The following PEX7 variants were observed in gnomAD, a reference collection of about 807,000 sequenced individuals.
PEX7 encodes PTS2 receptor.
Under a neutral mutation model 47.5 loss-of-function variants are expected in PEX7, and 34 were observed. The ratio of observed to expected loss-of-function variants is 0.72; its 90% CI spans 0.54 to 0.95. The LOEUF is 0.95. Ranked by LOEUF, PEX7 falls within the 40% of genes least tolerant of loss-of-function variation. The probability of loss-of-function intolerance (pLI) is 0.00; values close to 1 mark genes in which losing one functional copy is unlikely to be tolerated. For missense variants in PEX7, 394 were observed against 400.3 expected (o/e 0.98, Z 0.13); for synonymous variants, 141 against 148.8 (o/e 0.95, Z 0.38).
intron 4 of PEX7, 62 bp downstream of exon 4, chr6:136,845,754 T>TTC (rs1774586104): frequency 9.7e-7 from 1 of 1,031,626 alleles, no homozygotes. Flanking sequence ...CCACTAAATT[T>TTC]TCTTCTCTTT....
chr6:136,888,027 T>C (rs141523322), intron 8 of PEX7, among the ~76,000 whole-genome samples: 13 of 152,076 alleles, frequency 8.5e-5, no homozygotes, highest in Non-Finnish European at 4.4e-5. Flanking sequence ...TTGATCCTTA[T>C]GTTTATTAGC....
intron 5 of PEX7, among the ~76,000 whole-genome samples, chr6:136,864,396 A>G (rs1002915320): frequency 1.3e-5 from 2 of 152,062 alleles, no homozygotes; most frequent in African/African-American, 4.8e-5. Context: ...ACCTTGTCTC[A>G]TTTCAGCCTT....
chr6:136,849,315 T>C (rs943233816), intron 5 of PEX7, among the ~76,000 whole-genome samples: 4 of 152,180 alleles, frequency 2.6e-5, no homozygotes, highest in African/African-American at 9.7e-5. Context: ...CCTGGATTCA[T>C]TGATTTTTTT....
intron 8 of PEX7, among the ~76,000 whole-genome samples, chr6:136,875,990 T>A (rs532220351): frequency 1.3e-5 from 2 of 152,206 alleles, no homozygotes; most frequent in South Asian, 4.1e-4. Context: ...CCAGATATGC[T>A]TTTCCCCATA....
In PEX7 at chr6:136,870,052, T is replaced by C. The variant is rs370875740; in HGVS notation, c.747+49T>C. ...TATGTAGAATAAAATTATATAAATA[T>C]AATCAATGAAGTGTATATTAAAAAG... On this transcript the variant is annotated intron_variant, in intron 7 of 9. Coordinates refer to ENST00000318471, the MANE Select transcript of PEX7 (RefSeq NM_000288.4). 290 of 1,148,928 alleles carry C rather than the reference T, an allele frequency of 2.5e-4. 2 individuals carry two copies. The African/African-American group carries it at 3.9e-3, about 15-fold the overall frequency. The allele number at this position is 1,148,928 out of a possible 1,614,324, so 71.2% of individuals were successfully genotyped here. A position where few individuals can be genotyped will look rare whatever the true frequency, so the allele number is the denominator to read the frequency against.
At chr6:136,910,300 C>T (rs955736688) in intron 9 of PEX7, among the ~76,000 whole-genome samples, 4 of 152,184 alleles carry the variant, frequency 2.6e-5, no homozygotes, top group African/African-American at 9.6e-5. Flanking sequence ...AAAATAAGTA[C>T]AATCAAGTAT....
At chr6:136,832,337 A>G (rs912314270) in intron 3 of PEX7, among the ~76,000 whole-genome samples, 2 of 152,236 alleles carry the variant, frequency 1.3e-5, no homozygotes, top group African/African-American at 4.8e-5. Flanking sequence ...TTGAGGCTGC[A>G]CAGAGCAGCA....
chr6:136,824,699 T>C (rs1206388829), intron 1 of PEX7, among the ~76,000 whole-genome samples: 1 of 152,236 alleles, frequency 6.6e-6, no homozygotes, highest in Non-Finnish European at 1.5e-5. Flanking sequence ...TTCAGCACTT[T>C]ATTACCACCA....
chr6:136,884,990 T>C (rs960739347), intron 8 of PEX7, among the ~76,000 whole-genome samples: 1 of 152,208 alleles, frequency 6.6e-6, no homozygotes, highest in East Asian at 1.9e-4. Flanking sequence ...TCCCTTAAGT[T>C]AGTTAACTTC....
intron 9 of PEX7, among the ~76,000 whole-genome samples, chr6:136,904,623 CT>C (rs1176810885): frequency 6.6e-6 from 1 of 150,642 alleles, no homozygotes; most frequent in Admixed American, 6.6e-5. Context: ...GGGAGTTTCC[CT>C]GCACAAGCTT....
At chr6:136,883,051 TTGAG>T (rs1419475216) in intron 8 of PEX7, among the ~76,000 whole-genome samples, 1 of 152,150 alleles carries the variant, frequency 6.6e-6, no homozygotes, top group Non-Finnish European at 1.5e-5. Flanking sequence ...GTGATTTGGA[TTGAG>T]TAAGTCACTT....
chr6:136,846,492 C>T (rs572669659), intron 5 of PEX7, among the ~76,000 whole-genome samples: 19 of 152,228 alleles, frequency 1.2e-4, no homozygotes, highest in African/African-American at 4.3e-4. Flanking sequence ...ATCTCTCCCC[C>T]CTTCCCCCAC....
At chr6:136,875,412 G>A (rs1369769470) in intron 8 of PEX7, among the ~76,000 whole-genome samples, 1 of 151,974 alleles carries the variant, frequency 6.6e-6, no homozygotes, top group East Asian at 1.9e-4. Context: ...CTTCCAAGAG[G>A]TGTATAATAG....
intron 3 of PEX7, among the ~76,000 whole-genome samples, chr6:136,844,062 A>G (rs1218325031): frequency 6.6e-6 from 1 of 152,078 alleles, no homozygotes; most frequent in Non-Finnish European, 1.5e-5. Context: ...GTTTATTATG[A>G]TTGGCAAATA....
intron 9 of PEX7, among the ~76,000 whole-genome samples, chr6:136,908,823 G>A (rs74660665): frequency 2.0e-5 from 3 of 151,728 alleles, no homozygotes; most frequent in East Asian, 3.9e-4. Flanking sequence ...TCACTTACTC[G>A]GATGTATCCC....
Position 136,888,993 on chromosome 6 carries a change from C to G in PEX7, c.804-9149C>G, listed in dbSNP as rs1775513023. Among the ~76,000 whole-genome samples the G allele has an allele frequency of 3.3e-5, 5 of 152,164 alleles. No individual in the cohort carries two copies. In the South Asian group the frequency reaches 1.0e-3, roughly 31 times the overall value. On this transcript the variant is annotated intron_variant, in intron 8 of 9. Transcript: ENST00000318471. ...CCATCGCGTTTGTTAACTAAAGTGA[C>G]AGATAAACATTTTTATTTTTTTCTA...
intron 5 of PEX7, among the ~76,000 whole-genome samples, chr6:136,856,284 T>C (rs1461887973): frequency 2.8e-5 from 4 of 141,940 alleles, no homozygotes; most frequent in Non-Finnish European, 6.1e-5. Context: ...ACTTCTTTGG[T>C]TGAAAGTAAA....
intron 2 of PEX7, 50 bp downstream of exon 2, chr6:136,825,321 T>C: frequency 7.1e-7 from 1 of 1,411,104 alleles, no homozygotes; most frequent in South Asian, 1.2e-5. Flanking sequence ...ATTAAAGCCT[T>C]AATAGAATTA....
intron 9 of PEX7, among the ~76,000 whole-genome samples, chr6:136,899,567 A>G (rs1775716743): frequency 6.6e-6 from 1 of 151,670 alleles, no homozygotes; most frequent in Non-Finnish European, 1.5e-5. Flanking sequence ...TTTAGTAGAG[A>G]TGGGGTTTCA....
Sources: gnomAD v4.1 joint callset for allele counts (sites outside exome capture counted in the v4.1 genomes callset) on GRCh38, gnomAD v4.1.1 for gene constraint, MANE v1.5 for transcripts, NCBI Gene and HGNC (gene_info 2026-07-23, HGNC 2026-07-21) for gene names.